Variants in LHFPL6 observed in about 807,000 individuals in gnomAD.
LHFPL6 encodes LHFPL tetraspan subfamily member 6.
In LHFPL6, 9 loss-of-function variants were observed where a neutral mutation model predicts 20.6. The ratio of observed to expected loss-of-function variants is 0.44; its 90% confidence interval spans 0.26 to 0.76. The LOEUF is 0.76. Among genes scored for constraint, LHFPL6 ranks in the 30% least tolerant of loss-of-function variants. LHFPL6 has a pLI of 0.20. For synonymous variants in LHFPL6, 105 were observed against 98.7 expected (o/e 1.06, Z -0.38); for missense variants, 218 against 253.5 (o/e 0.86, Z 0.95).
In LHFPL6 at chr13:39,566,613, G is replaced by A. The variant is rs951997533; in HGVS notation, c.385+34219C>T. ...CTGGGCATGGTGGCGTGTACCTGTA[G>A]TCCCAGGTACTCAGGAGGCTGAGGT... On this transcript the variant is annotated intron_variant, in intron 2 of 3. Transcript: ENST00000379589. 8.6e-5 allele frequency among the ~76,000 whole-genome samples: 13 copies of A among 151,372 alleles called. No individual in the cohort carries two copies. The East Asian group carries it at 2.5e-3, about 30-fold the overall frequency.
chr13:39,460,842 T>C (rs112156179), intron 2 of LHFPL6, among the ~76,000 whole-genome samples: 1 of 152,164 alleles, frequency 6.6e-6, no homozygotes, highest in Non-Finnish European at 1.5e-5. Context: ...CCTTTCCAAC[T>C]TTTATTTTAG....
intron 2 of LHFPL6, among the ~76,000 whole-genome samples, chr13:39,536,051 A>G (rs1200784762): frequency 6.6e-6 from 1 of 152,184 alleles, no homozygotes; most frequent in African/African-American, 2.4e-5. Context: ...CAACTTATAC[A>G]TTCAATGTGT....
chr13:39,595,372 A>G (rs561479545), intron 2 of LHFPL6, among the ~76,000 whole-genome samples: 14 of 152,174 alleles, frequency 9.2e-5, no homozygotes, highest in African/African-American at 3.4e-4. Flanking sequence ...GGCTCACTGC[A>G]ATCTCAGCCT....
intron 2 of LHFPL6, among the ~76,000 whole-genome samples, chr13:39,467,608 C>T (rs577686181): frequency 2.1e-4 from 32 of 152,236 alleles, no homozygotes; most frequent in Admixed American, 6.5e-4. Context: ...ATGAGAAATG[C>T]AATTAGCTTT....
intron 3 of LHFPL6, among the ~76,000 whole-genome samples, chr13:39,367,643 A>G (rs908972048): frequency 3.3e-5 from 5 of 152,184 alleles, no homozygotes; most frequent in East Asian, 1.9e-4. Context: ...TGTTTACTAT[A>G]TAGGTTCTAA....
At chr13:39,495,805 A>ATTTTTTTTTTTTTTTTTTTTTTTTTG (rs1869082461) in intron 2 of LHFPL6, among the ~76,000 whole-genome samples, 1 of 120,448 alleles carries the variant, frequency 8.3e-6, no homozygotes. Flanking sequence ...TTTTTTTTTT[A>ATTTTTTTTTTTTTTTTTTTTTTTTTG]GTAATTCACC....
At chr13:39,374,358 C>A (rs1420424632) in intron 3 of LHFPL6, among the ~76,000 whole-genome samples, 1 of 151,930 alleles carries the variant, frequency 6.6e-6, no homozygotes, top group African/African-American at 2.4e-5. Flanking sequence ...ATGTGGCCAA[C>A]AATAGACACT....
At chr13:39,559,253 G>T (rs2138518124) in intron 2 of LHFPL6, among the ~76,000 whole-genome samples, 1 of 152,314 alleles carries the variant, frequency 6.6e-6, no homozygotes, top group East Asian at 1.9e-4. Flanking sequence ...ACATGGGAGA[G>T]GCCCACAGGC....
chr13:39,554,623 G>A (rs749864500), intron 2 of LHFPL6, among the ~76,000 whole-genome samples: 3 of 152,042 alleles, frequency 2.0e-5, no homozygotes, highest in East Asian at 1.9e-4. Flanking sequence ...TCACATCTCC[G>A]TGTTTTCAAA....
chr13:39,588,150 C>A (rs1872507474), intron 2 of LHFPL6, among the ~76,000 whole-genome samples: 1 of 152,102 alleles, frequency 6.6e-6, no homozygotes, highest in African/African-American at 2.4e-5. Context: ...GTGAGCCTCA[C>A]CAGCTGATCA....
chr13:39,367,244 AAACT>A (rs1178851794), intron 3 of LHFPL6, among the ~76,000 whole-genome samples: 1 of 152,196 alleles, frequency 6.6e-6, no homozygotes, highest in East Asian at 1.9e-4. Context: ...AAGGGCTGAA[AAACT>A]ACCTATGGGG....
chr13:39,560,042 T>C (rs990137863), intron 2 of LHFPL6, among the ~76,000 whole-genome samples: 6 of 152,192 alleles, frequency 3.9e-5, no homozygotes, highest in South Asian at 2.1e-4. Context: ...CAGCTGATGA[T>C]GGCATCAGAA....
At chr13:39,514,984 T>C (rs540760532) in intron 2 of LHFPL6, among the ~76,000 whole-genome samples, 2 of 152,326 alleles carry the variant, frequency 1.3e-5, no homozygotes, top group South Asian at 4.1e-4. Flanking sequence ...AATAGATCAA[T>C]TCAATAAATA....
intron 2 of LHFPL6, among the ~76,000 whole-genome samples, chr13:39,512,835 T>C (rs952693930): frequency 6.6e-6 from 1 of 152,070 alleles, no homozygotes; most frequent in Admixed American, 6.5e-5. Context: ...ATTAAGAGAG[T>C]CTCTCTCTCT....
intron 2 of LHFPL6, among the ~76,000 whole-genome samples, chr13:39,506,666 C>G (rs1002534811): frequency 6.6e-6 from 1 of 151,676 alleles, no homozygotes; most frequent in Admixed American, 6.6e-5. Flanking sequence ...CATAAGAAAG[C>G]AAGTCAGGGT....
chr13:39,383,060 A>G (rs553329942), intron 2 of LHFPL6, among the ~76,000 whole-genome samples: 2 of 152,294 alleles, frequency 1.3e-5, no homozygotes, highest in East Asian at 3.9e-4. Flanking sequence ...ATGTTATGGT[A>G]AAAGGGAGTT....
At chr13:39,522,635 A>G (rs1349131579) in intron 2 of LHFPL6, among the ~76,000 whole-genome samples, 2 of 152,158 alleles carry the variant, frequency 1.3e-5, no homozygotes, top group African/African-American at 4.8e-5. Flanking sequence ...TATTTCCCCA[A>G]ACAAGATCTA....
At chr13:39,547,780 A>G (rs1313994489) in intron 2 of LHFPL6, among the ~76,000 whole-genome samples, 1 of 152,066 alleles carries the variant, frequency 6.6e-6, no homozygotes, top group Non-Finnish European at 1.5e-5. Context: ...GTAAGGAATG[A>G]TTTTCCTTAT....
At chr13:39,525,017 C>T (rs1196792562) in intron 2 of LHFPL6, among the ~76,000 whole-genome samples, 1 of 152,120 alleles carries the variant, frequency 6.6e-6, no homozygotes, top group Non-Finnish European at 1.5e-5. Flanking sequence ...AAAATAAGCT[C>T]ATCTGACATA....
Sources: gnomAD v4.1 joint callset for allele counts (sites outside exome capture counted in the v4.1 genomes callset) on GRCh38, gnomAD v4.1.1 for gene constraint, MANE v1.5 for transcripts, NCBI Gene and HGNC (gene_info 2026-07-23, HGNC 2026-07-21) for gene names.